Variants in PCDH15 observed in about 807,000 individuals in gnomAD.
PCDH15 encodes protocadherin-15.
PCDH15 carries 129 observed loss-of-function variants against 178.5 expected under a neutral mutation model. The observed-to-expected ratio is 0.72, with a 90% CI of 0.63 to 0.84. The LOEUF is 0.84. Among genes scored for constraint, PCDH15 ranks in the 40% least tolerant of loss-of-function variants. The pLI is 0.00. For synonymous variants in PCDH15, 800 were observed against 732.0 expected (o/e 1.09, Z -1.50); for missense variants, 2,230 against 2,099.9 (o/e 1.06, Z -1.21).
At chr10:53,841,176 A>T (rs2077617776) in intron 28 of PCDH15, among the ~76,000 whole-genome samples, 2 of 152,200 alleles carry the variant, frequency 1.3e-5, no homozygotes, top group African/African-American at 4.8e-5. Context: ...ACTGGATTTT[A>T]ATTGAAAGTA....
At chr10:54,655,288 G>GAGAGAGAGAC (rs2094365773) in intron 2 of PCDH15, among the ~76,000 whole-genome samples, 1 of 127,278 alleles carries the variant, frequency 7.9e-6, no homozygotes, top group East Asian at 2.8e-4. Context: ...GAGAGAGAGA[G>GAGAGAGAGAC]AGAGAGAGAG....
intron 3 of PCDH15, among the ~76,000 whole-genome samples, chr10:54,829,114 A>G (rs1010107523): frequency 3.9e-5 from 6 of 152,032 alleles, no homozygotes; most frequent in African/African-American, 1.4e-4. Context: ...CTTGTAGATA[A>G]AGACTAAAGA....
At chr10:54,118,784 T>G (rs2095163339) in intron 15 of PCDH15, among the ~76,000 whole-genome samples, 1 of 151,802 alleles carries the variant, frequency 6.6e-6, no homozygotes. Context: ...TTTTATTTTT[T>G]TTTGTCAAAA....
At chr10:55,021,027 A>G (rs1353213749) in intron 2 of PCDH15, among the ~76,000 whole-genome samples, 1 of 152,016 alleles carries the variant, frequency 6.6e-6, no homozygotes, top group Non-Finnish European at 1.5e-5. Flanking sequence ...ATATCCCACC[A>G]TTTCCCTTTT....
intron 3 of PCDH15, among the ~76,000 whole-genome samples, chr10:54,491,763 T>C (rs1565411819): frequency 3.3e-5 from 5 of 152,204 alleles, no homozygotes; most frequent in Admixed American, 1.3e-4. Flanking sequence ...GACTAGGTTT[T>C]ACGATATTTT....
intron 2 of PCDH15, among the ~76,000 whole-genome samples, chr10:55,580,726 T>C (rs1842598045): frequency 6.6e-6 from 1 of 152,180 alleles, no homozygotes. Context: ...ACAAAATCTA[T>C]TTCTAATCTA....
At chr10:55,408,342 C>G (rs568910281) in intron 2 of PCDH15, among the ~76,000 whole-genome samples, 5 of 151,884 alleles carry the variant, frequency 3.3e-5, no homozygotes, top group Admixed American at 3.3e-4. Context: ...CCTGCCACCA[C>G]GCCCTACTAT....
chr10:54,219,117 AAC>A lies in PCDH15; in HGVS notation c.986-5071_986-5070del, dbSNP rs1491562129. Among the ~76,000 whole-genome samples, 371 of 144,754 alleles carry A rather than the reference AAC, an allele frequency of 2.6e-3. 2 individuals carry two copies. The highest frequency in any genetic ancestry group is 9.6e-3 in the African/African-American group (355 of 37,048). 95.0% of individuals were successfully genotyped at this position (144,754 alleles called of 152,430 possible). On this transcript the variant is annotated intron_variant, in intron 9 of 37. Coordinates refer to ENST00000644397, the MANE Select transcript of PCDH15 (RefSeq NM_001384140.1). ...AAAAAAAAAAAAAAAACAAAAAAAAAACAAAAAATTAGCCGGGCGTGGTGGTG... is the reference window on the plus strand; with the variant it reads ...AAAAAAAAAAAAAAAACAAAAAAAAAAAAAAATTAGCCGGGCGTGGTGGTG...
At chr10:55,520,491 CTGTGTGTGTGTGTGTA>C (rs1182668437) in intron 2 of PCDH15, among the ~76,000 whole-genome samples, 12 of 133,936 alleles carry the variant, frequency 9.0e-5, no homozygotes, top group South Asian at 7.9e-4. Flanking sequence ...AAATTATTAG[CTGTGTGTGTGTGTGTA>C]TATGTGTGTG....
At chr10:54,110,331 A>T (rs2132693156) in intron 15 of PCDH15, among the ~76,000 whole-genome samples, 1 of 152,080 alleles carries the variant, frequency 6.6e-6, no homozygotes. Flanking sequence ...AAAAAAAAAA[A>T]AAACTAGAGT....
intron 3 of PCDH15, among the ~76,000 whole-genome samples, chr10:54,524,805 G>A (rs1015404996): frequency 2.0e-5 from 3 of 152,096 alleles, no homozygotes; most frequent in African/African-American, 7.2e-5. Flanking sequence ...TGTCCACTTT[G>A]CCCCTTTACA....
chr10:54,248,636 A>G (rs2056210222), intron 8 of PCDH15, among the ~76,000 whole-genome samples: 1 of 152,092 alleles, frequency 6.6e-6, no homozygotes, highest in African/African-American at 2.4e-5. Flanking sequence ...ATGGGGATTC[A>G]AAGTGCAGGT....
chr10:54,803,874 A>G (rs1832906344), upstream of PCDH15, among the ~76,000 whole-genome samples: 1 of 152,110 alleles, frequency 6.6e-6, no homozygotes, highest in African/African-American at 2.4e-5. Flanking sequence ...AAAAATTTTA[A>G]AAGTCACATA....
At chr10:54,285,195 T>C (rs914305800) in intron 8 of PCDH15, among the ~76,000 whole-genome samples, 1 of 151,878 alleles carries the variant, frequency 6.6e-6, no homozygotes, top group Non-Finnish European at 1.5e-5. Context: ...TAGGCACAGG[T>C]TTTTTTGGAT....
At chr10:53,985,130 A>G (rs2091005158) in intron 21 of PCDH15, among the ~76,000 whole-genome samples, 2 of 152,212 alleles carry the variant, frequency 1.3e-5, no homozygotes, top group Admixed American at 1.3e-4. Flanking sequence ...GATCTTTGCT[A>G]TTGCAGAACA....
intron 23 of PCDH15, among the ~76,000 whole-genome samples, chr10:53,942,266 C>T (rs771896814): frequency 1.3e-5 from 1 of 76,450 alleles, no homozygotes; most frequent in Non-Finnish European, 4.1e-5. Flanking sequence ...AGTTTATTTA[C>T]TTACTTATTT....
intron 3 of PCDH15, among the ~76,000 whole-genome samples, chr10:54,421,020 G>A (rs1260981765): frequency 2.0e-4 from 30 of 151,888 alleles, no homozygotes; most frequent in African/African-American, 2.9e-4. Flanking sequence ...TTTTCGCTTC[G>A]CATGTTGCAT....
At position 53,870,855 on chromosome 10, in the gene PCDH15, C is replaced by A. The variant is rs74524239; in HGVS notation, c.3502-3998G>T. On this transcript the variant is annotated intron_variant, in intron 26 of 37. Coordinates refer to ENST00000644397, the MANE Select transcript of PCDH15 (RefSeq NM_001384140.1). ...TACACACTGAGTCACACCAGAGATACCAATAATAAAATTCAGAGCGCAGTT... is the reference window on the plus strand; with the variant it reads ...TACACACTGAGTCACACCAGAGATAACAATAATAAAATTCAGAGCGCAGTT... 5.5e-4 allele frequency among the ~76,000 whole-genome samples: 83 copies of A among 152,112 alleles called. No individual in the cohort carries two copies. In the East Asian group the frequency reaches 0.01, roughly 19 times the overall value.
chr10:54,875,399 T>C (rs561093671), intron 3 of PCDH15, among the ~76,000 whole-genome samples: 27 of 152,252 alleles, frequency 1.8e-4, no homozygotes, highest in African/African-American at 5.8e-4. Context: ...TTAATTACCT[T>C]ACAGTGACCC....
Sources: allele counts gnomAD v4.1 joint callset (sites outside exome capture counted in the v4.1 genomes callset), GRCh38; gene constraint gnomAD v4.1.1; transcripts MANE v1.5; gene names NCBI Gene and HGNC (gene_info 2026-07-23, HGNC 2026-07-21).